ADGRE3: variants seen among roughly 807,000 people sequenced by gnomAD.
ADGRE3 encodes the protein EGF-like module receptor 3.
In ADGRE3, 88 loss-of-function variants were observed where a neutral mutation model predicts 80.1. That is an observed-to-expected ratio of 1.10 (90% CI 0.93 to 1.31). The LOEUF is 1.31. ADGRE3 is among the 40% of genes most tolerant of loss of function. The probability of loss-of-function intolerance (pLI) is 0.00; values close to 1 mark genes in which losing one functional copy is unlikely to be tolerated. For missense variants in ADGRE3, 715 were observed against 776.5 expected, an observed-to-expected ratio of 0.92 and a Z score of 0.94; for synonymous variants, 281 against 294.8, an observed-to-expected ratio of 0.95 and a Z score of 0.48.
chr19:14,640,479 C>T (rs8182621), intron 10 of ADGRE3, among the ~76,000 whole-genome samples: 57,742 of 151,516 alleles, frequency 0.38, 11,382 homozygotes, highest in East Asian at 0.63. Context: ...TTAGTAGAGA[C>T]GGAGTTTTGC....
At chr19:14,665,544 G>T (rs1369509952) in intron 2 of ADGRE3, among the ~76,000 whole-genome samples, 3 of 151,964 alleles carry the variant, frequency 2.0e-5, no homozygotes, top group African/African-American at 7.3e-5. Flanking sequence ...AGGCTGGCAT[G>T]CAGTGGCAGA....
intron 2 of ADGRE3, among the ~76,000 whole-genome samples, chr19:14,667,686 G>A (rs1161120546): frequency 6.6e-6 from 1 of 152,100 alleles, no homozygotes; most frequent in Admixed American, 6.5e-5. Flanking sequence ...CCAGGGGGTG[G>A]GGGGCGTGGG....
intron 8 of ADGRE3, among the ~76,000 whole-genome samples, chr19:14,646,830 G>A (rs1971422558): frequency 6.6e-6 from 1 of 151,336 alleles, no homozygotes; most frequent in South Asian, 2.1e-4. Flanking sequence ...GAGTGCAGTG[G>A]TGCAATCATA....
intron 7 of ADGRE3, among the ~76,000 whole-genome samples, chr19:14,649,187 T>C (rs1315062446): frequency 2.7e-5 from 4 of 148,838 alleles, no homozygotes; most frequent in African/African-American, 1.0e-4. Context: ...TTTCCACCTC[T>C]CTCCCTCTCT....
At chr19:14,627,462 C>T (rs1312006157) in intron 14 of ADGRE3, among the ~76,000 whole-genome samples, 1 of 152,166 alleles carries the variant, frequency 6.6e-6, no homozygotes, top group African/African-American at 2.4e-5. Flanking sequence ...ACTGCAACCT[C>T]TGCCTGCCAG....
intron 7 of ADGRE3, among the ~76,000 whole-genome samples, chr19:14,650,628 CATCTCTCT>C (rs1568490766): frequency 1.3e-4 from 6 of 46,576 alleles, no homozygotes; most frequent in East Asian, 1.1e-3. Context: ...TCTCTGTCTC[CATCTCTCT>C]CTCTCTCTCT....
chr19:14,629,905 A>AAACAG (rs1384972138), intron 14 of ADGRE3, 134 bp downstream of exon 14: 5 of 525,294 alleles, frequency 9.5e-6, no homozygotes, highest in Non-Finnish European at 1.7e-5. Context: ...AAAGTAGAGA[A>AAACAG]AATAGAGAGA....
intron 7 of ADGRE3, among the ~76,000 whole-genome samples, chr19:14,649,311 T>C (rs571502593): frequency 6.9e-6 from 1 of 145,772 alleles, no homozygotes; most frequent in South Asian, 2.3e-4. Flanking sequence ...TCTCTTCCCA[T>C]CTCTCGCTTT....
rs146799017 is a variant in ADGRE3, at chr19:14,638,319, C to T, written c.1270G>A (p.Gly424Ser). ...GCCAGGTAGAGATAGTGCAAAGCAC[C>T]GGCGATGATGGAGCACAGCACCTGG... is the stretch of plus-strand genomic sequence containing the variant. ...EPKVLCSIIA[G>S]ALHYLYLAAF... Residue 424 changes from glycine (G) to serine (S), a missense_variant, in exon 11 of 16, where the codon GGT (glycine) becomes AGT (serine). By Grantham distance (56) the Gly-to-Ser change is moderately conservative. Coordinates refer to ENST00000253673, the MANE Select transcript of ADGRE3 (RefSeq NM_032571.5). 2,360 of 1,613,960 alleles carry T rather than the reference C, an allele frequency of 1.5e-3. 56 individuals carry two copies. In the East Asian group the frequency reaches 0.038, roughly 26 times the overall value.
intron 11 of ADGRE3, among the ~76,000 whole-genome samples, chr19:14,636,004 TCTTTCTTTCTTC>T (rs1482265164): frequency 5.4e-5 from 4 of 74,324 alleles, no homozygotes; most frequent in African/African-American, 2.3e-4. Flanking sequence ...TCTCTCTTTC[TCTTTCTTTCTTC>T]CTTCCTTCCT....
At chr19:14,625,458 T>C in intron 15 of ADGRE3, 34 bp downstream of exon 15, 2 of 1,350,666 alleles carry the variant, frequency 1.5e-6, no homozygotes, top group East Asian at 4.6e-5. Flanking sequence ...GAGGAGTATG[T>C]AAAACATTAG....
chr19:14,636,258 C>A (rs1310332468), intron 11 of ADGRE3, among the ~76,000 whole-genome samples: 1 of 138,210 alleles, frequency 7.2e-6, no homozygotes, highest in African/African-American at 2.7e-5. Context: ...CTCACTCTGT[C>A]GTTTAGGTTG....
At chr19:14,637,836 G>A (rs900434835) in intron 11 of ADGRE3, among the ~76,000 whole-genome samples, 1 of 151,838 alleles carries the variant, frequency 6.6e-6, no homozygotes, top group Non-Finnish European at 1.5e-5. Context: ...GCCTCATTAA[G>A]CTCTTTCTCT....
chr19:14,651,250 T>C (rs1347919003), intron 6 of ADGRE3, 46 bp from the exon 7 acceptor site: 1 of 1,609,050 alleles, frequency 6.2e-7, no homozygotes. Flanking sequence ...TGTAAGAAAC[T>C]TTAAAAATAT....
intron 4 of ADGRE3, among the ~76,000 whole-genome samples, chr19:14,660,845 T>TG (rs770871407): frequency 9.4e-4 from 142 of 150,900 alleles, no homozygotes; most frequent in Non-Finnish European, 1.4e-3. Flanking sequence ...GAATTTGCAA[T>TG]GGGGTCTCAG....
At chr19:14,605,480 TTTGA>T in the ADGRE3 span, among the ~76,000 whole-genome samples, 1 of 152,208 alleles carries the variant, frequency 6.6e-6, no homozygotes, top group Non-Finnish European at 1.5e-5. Flanking sequence ...TGCACAGATC[TTTGA>T]TGTATGTTCA....
chr19:14,670,597 T>G (rs1972230596), intron 1 of ADGRE3, among the ~76,000 whole-genome samples: 1 of 152,234 alleles, frequency 6.6e-6, no homozygotes, highest in African/African-American at 2.4e-5. Context: ...CCCATGCCTT[T>G]CCAACATCCG....
At chr19:14,629,432 T>C (rs2169798) in intron 14 of ADGRE3, among the ~76,000 whole-genome samples, 75,478 of 152,014 alleles carry the variant, frequency 0.5, 19,103 homozygotes, top group Non-Finnish European at 0.53. Flanking sequence ...TGTTCTTTTC[T>C]CATTGACTTT....
intron 15 of ADGRE3, among the ~76,000 whole-genome samples, chr19:14,620,548 T>TAATATATATATTATATATATATATAA: frequency 4.0e-5 from 1 of 24,982 alleles, no homozygotes; most frequent in African/African-American, 2.1e-4. Context: ...TATATATATA[T>TAATATATATATTATATATATATATAA]TATATATATA....
Sources: allele counts gnomAD v4.1 joint callset (sites outside exome capture counted in the v4.1 genomes callset), GRCh38; gene constraint gnomAD v4.1.1; transcripts MANE v1.5; gene names NCBI Gene and HGNC (gene_info 2026-07-23, HGNC 2026-07-21).